The following ALK variants were observed in gnomAD, a reference collection of about 807,000 sequenced individuals.
The protein encoded by ALK is ALK tyrosine kinase receptor.
ALK carries 74 observed loss-of-function variants against 163.1 expected under a neutral mutation model. The observed-to-expected ratio is 0.45, with a 90% CI of 0.38 to 0.55. The LOEUF (loss-of-function observed/expected upper bound fraction) is 0.55, where lower values mean the gene tolerates loss of function less well. Ranked by LOEUF, ALK falls within the 20% of genes least tolerant of loss-of-function variation. The probability of loss-of-function intolerance (pLI) is 0.00; values close to 1 mark genes in which losing one functional copy is unlikely to be tolerated. For missense variants in ALK, 2,063 were observed against 2,105.3 expected, an observed-to-expected ratio of 0.98 and a Z score of 0.39; for synonymous variants, 960 against 843.2, an observed-to-expected ratio of 1.14 and a Z score of -2.40.
chr2:29,756,821 C>G (rs996574728), intron 1 of ALK, among the ~76,000 whole-genome samples: 1 of 152,178 alleles, frequency 6.6e-6, no homozygotes, highest in Non-Finnish European at 1.5e-5. Flanking sequence ...GCCACCGCAC[C>G]TGGCCCATTT....
chr2:29,698,975 G>C (rs866025922), intron 2 of ALK, among the ~76,000 whole-genome samples: 1 of 152,148 alleles, frequency 6.6e-6, no homozygotes, highest in African/African-American at 2.4e-5. Context: ...AGTGCCTCTT[G>C]GGCAATAATA....
chr2:29,483,698 G>A (rs1027027296), intron 4 of ALK, among the ~76,000 whole-genome samples: 1 of 152,048 alleles, frequency 6.6e-6, no homozygotes, highest in Non-Finnish European at 1.5e-5. Context: ...TTTCATTTAG[G>A]TTTTGTTTAA....
chr2:29,313,678 TG>T (rs1237596919), intron 8 of ALK, among the ~76,000 whole-genome samples: 2 of 152,136 alleles, frequency 1.3e-5, no homozygotes, highest in Non-Finnish European at 2.9e-5. Flanking sequence ...TTATTAGCTG[TG>T]GGTCTTGAGG....
At chr2:29,570,161 C>G (rs1489050312) in intron 3 of ALK, among the ~76,000 whole-genome samples, 1 of 152,144 alleles carries the variant, frequency 6.6e-6, no homozygotes, top group Admixed American at 6.5e-5. Flanking sequence ...CTAGGGCATG[C>G]TAAGAGCTGC....
chr2:29,398,766 A>T (rs1179362750), intron 4 of ALK, among the ~76,000 whole-genome samples: 1 of 152,136 alleles, frequency 6.6e-6, no homozygotes, highest in African/African-American at 2.4e-5. Context: ...GGCTGGAAAG[A>T]TGGAATCTGG....
intron 1 of ALK, among the ~76,000 whole-genome samples, chr2:29,740,019 G>A (rs1479614661): frequency 6.6e-6 from 1 of 152,070 alleles, no homozygotes; most frequent in East Asian, 1.9e-4. Flanking sequence ...TTTATCATTT[G>A]TATTGCATTC....
At chr2:29,262,734 C>G (rs1278553181) in intron 11 of ALK, among the ~76,000 whole-genome samples, 1 of 152,202 alleles carries the variant, frequency 6.6e-6, no homozygotes, top group Non-Finnish European at 1.5e-5. Context: ...TGAGCTTGCC[C>G]CCATCAACAG....
intron 1 of ALK, among the ~76,000 whole-genome samples, chr2:29,844,906 G>A (rs976048772): frequency 1.1e-4 from 17 of 149,994 alleles, no homozygotes; most frequent in Admixed American, 4.0e-4. Context: ...CACACACACA[G>A]TACACACACT....
chr2:29,464,949 T>G (rs1472094431), intron 4 of ALK, among the ~76,000 whole-genome samples: 1 of 152,070 alleles, frequency 6.6e-6, no homozygotes, highest in Non-Finnish European at 1.5e-5. Flanking sequence ...TAACAGAATA[T>G]CAGTGACAAT....
intron 4 of ALK, among the ~76,000 whole-genome samples, chr2:29,417,982 T>G (rs1303603597): frequency 2.0e-5 from 3 of 152,222 alleles, no homozygotes; most frequent in Non-Finnish European, 4.4e-5. Context: ...TTTGTGAAAA[T>G]TGACATAAGA....
At chr2:29,852,347 G>A (rs1390703033) in intron 1 of ALK, among the ~76,000 whole-genome samples, 1 of 152,096 alleles carries the variant, frequency 6.6e-6, no homozygotes, top group Non-Finnish European at 1.5e-5. Context: ...AATCTGTGTG[G>A]CCCTCCTTAA....
intron 4 of ALK, among the ~76,000 whole-genome samples, chr2:29,481,007 A>G (rs969313558): frequency 4.6e-5 from 7 of 152,326 alleles, no homozygotes; most frequent in Non-Finnish European, 1.0e-4. Context: ...GAGATCCGGC[A>G]TGATCCTTTG....
At chr2:29,878,419 T>C (rs1345487427) in intron 1 of ALK, among the ~76,000 whole-genome samples, 1 of 152,234 alleles carries the variant, frequency 6.6e-6, no homozygotes, top group Admixed American at 6.5e-5. Context: ...TTGTATTTTA[T>C]AGATTGAGAA....
Position 29,559,791 on chromosome 2 carries a change from G to GTGTT in ALK, c.953-27676_953-27675insAACA, listed in dbSNP as rs1414577694. 3.5e-5 allele frequency among the ~76,000 whole-genome samples: 5 copies of GTGTT among 143,698 alleles called. No individual in the cohort carries two copies. The East Asian group carries it at 5.8e-4, about 17-fold the overall frequency. The allele number at this position is 143,698 out of a possible 152,430, so 94.3% of individuals were successfully genotyped here. On this transcript the variant is annotated intron_variant, in intron 3 of 28. Coordinates refer to ENST00000389048, the MANE Select transcript of ALK (RefSeq NM_004304.5). ...TACGTGTGTGTGTGTGTGTGTGTGT[G>GTGTT]TGTGTGTGTGTATTAGTTCACACAT...
intron 4 of ALK, among the ~76,000 whole-genome samples, chr2:29,497,887 TTTAAA>T (rs1221342993): frequency 6.6e-6 from 1 of 152,166 alleles, no homozygotes; most frequent in East Asian, 1.9e-4. Flanking sequence ...AAAAAGTAAA[TTTAAA>T]TTCTTTTCTT....
chr2:29,683,532 G>T (rs1317292908), intron 3 of ALK, among the ~76,000 whole-genome samples: 2 of 152,188 alleles, frequency 1.3e-5, no homozygotes. Context: ...GCAGGTTAAA[G>T]GTCCTCACCA....
intron 9 of ALK, among the ~76,000 whole-genome samples, chr2:29,294,083 G>A (rs1666114888): frequency 6.6e-6 from 1 of 152,206 alleles, no homozygotes; most frequent in Non-Finnish European, 1.5e-5. Flanking sequence ...ATGGGATGTG[G>A]GGCAGGTGGC....
intron 4 of ALK, among the ~76,000 whole-genome samples, 163 bp from the exon 5 acceptor site, chr2:29,384,022 A>G (rs1051181096): frequency 1.3e-5 from 2 of 152,200 alleles, no homozygotes; most frequent in African/African-American, 4.8e-5. Flanking sequence ...AGTGATTCTG[A>G]CAGCAACATG....
chr2:29,200,740 C>CGTATATATACGTATATAT (rs1558608578), intron 26 of ALK, among the ~76,000 whole-genome samples: 25 of 131,330 alleles, frequency 1.9e-4, no homozygotes, highest in African/African-American at 7.3e-4. Context: ...TATATATATA[C>CGTATATATACGTATATAT]GTATATATAT....
Sources: gnomAD v4.1 joint callset for allele counts (sites outside exome capture counted in the v4.1 genomes callset) on GRCh38, gnomAD v4.1.1 for gene constraint, MANE v1.5 for transcripts, NCBI Gene and HGNC (gene_info 2026-07-23, HGNC 2026-07-21) for gene names.